RAB11FIP5: variants seen among roughly 807,000 people sequenced by gnomAD.
The protein encoded by RAB11FIP5 is RAB11 family interacting protein 5, also known as rab11 family-interacting protein 5.
Under a neutral mutation model 85.1 loss-of-function variants are expected in RAB11FIP5, and 48 were observed. The ratio of observed to expected loss-of-function variants is 0.56; its 90% CI spans 0.45 to 0.72. The LOEUF (loss-of-function observed/expected upper bound fraction) is 0.72. Ranked by LOEUF, RAB11FIP5 falls within the 30% of genes least tolerant of loss-of-function variation. RAB11FIP5 has a pLI of 0.00. For synonymous variants in RAB11FIP5, 729 were observed against 727.3 expected, an observed-to-expected ratio of 1.00 and a Z score of -0.04; for missense variants, 1,491 against 1,687.0, an observed-to-expected ratio of 0.88 and a Z score of 2.04.
intron 1 of RAB11FIP5, among the ~76,000 whole-genome samples, chr2:73,110,466 T>G (rs754661698): frequency 9.0e-5 from 13 of 143,960 alleles, no homozygotes; most frequent in Non-Finnish European, 1.8e-4. Flanking sequence ...TAAGTGACCC[T>G]CCCCACTCCT....
At chr2:73,111,671 G>T (rs1684658494) in intron 1 of RAB11FIP5, among the ~76,000 whole-genome samples, 1 of 152,216 alleles carries the variant, frequency 6.6e-6, no homozygotes, top group Admixed American at 6.5e-5. Context: ...GGCAGGGCAG[G>T]CAGGCAGGCC....
In RAB11FIP5 at chr2:73,088,988, GC is replaced by G; in HGVS notation, c.758del (p.Gly253AlafsTer154). 6.2e-7 allele frequency: 1 copy of G among 1,614,222 alleles called. No homozygotes were observed. Among genetic ancestry groups the G allele is most frequent in the Non-Finnish European group, 8.5e-7 (1 of 1,180,038 alleles). On this transcript the variant is annotated frameshift_variant, in exon 2 of 6. Transcript: ENST00000486777. LOFTEE classifies it high-confidence loss of function. ...TGGCTGAGGACAGGGTGCTGTCCGAGCCCAGCGAGGTGTTGGACTGGGTCAG... is the reference window on the plus strand; with the variant it reads ...TGGCTGAGGACAGGGTGCTGTCCGAGCCAGCGAGGTGTTGGACTGGGTCAG... ...SSLTQSNTSL[G>X]SDSTLSSASG...
rs1398907272 is a variant in RAB11FIP5, at chr2:73,080,795, C to T, written c.2437G>A (p.Asp813Asn). ...GPESAAEGQDDESSRGENQLC... is the reference protein window; with the variant it reads ...GPESAAEGQDNESSRGENQLC... ...TGATTTTCGCCTCGGGAGGACTCATCGTCCTGGCCCTCAGCAGCGCTCTCT... is the reference window on the plus strand; with the variant it reads ...TGATTTTCGCCTCGGGAGGACTCATTGTCCTGGCCCTCAGCAGCGCTCTCT... Residue 813 changes from aspartate to asparagine, a missense_variant, in exon 4 of 6, where the codon GAT (aspartate) becomes AAT (asparagine). Coordinates refer to ENST00000486777, the MANE Select transcript of RAB11FIP5 (RefSeq NM_001371272.1). 4 of 1,232,422 alleles carry T rather than the reference C, an allele frequency of 3.2e-6. No individual in the cohort carries two copies. The highest frequency in any genetic ancestry group is 4.0e-6 in the Non-Finnish European group (4 of 988,118). The allele number at this position is 1,232,422 out of a possible 1,614,324, so 76.3% of individuals were successfully genotyped here.
At chr2:73,098,344 A>G (rs1321884537) in intron 1 of RAB11FIP5, among the ~76,000 whole-genome samples, 1 of 152,252 alleles carries the variant, frequency 6.6e-6, no homozygotes, top group Non-Finnish European at 1.5e-5. Flanking sequence ...AACTGGCCAG[A>G]TAATACAAAT....
chr2:73,098,252 C>T (rs1684361233), intron 1 of RAB11FIP5, among the ~76,000 whole-genome samples: 1 of 152,212 alleles, frequency 6.6e-6, no homozygotes, highest in Non-Finnish European at 1.5e-5. Context: ...ATCTGAAATG[C>T]TCCAAAACTT....
chr2:73,090,073 C>G (rs1476257832), intron 1 of RAB11FIP5, among the ~76,000 whole-genome samples: 1 of 152,158 alleles, frequency 6.6e-6, no homozygotes, highest in Admixed American at 6.5e-5. Flanking sequence ...GGGTTCTTAC[C>G]TCACTCCCGC....
chr2:73,109,769 C>G (rs745915573), intron 1 of RAB11FIP5, among the ~76,000 whole-genome samples: 3 of 152,148 alleles, frequency 2.0e-5, no homozygotes, highest in Non-Finnish European at 4.4e-5. Flanking sequence ...CTGTGTACTC[C>G]GTCACCCATG....
In RAB11FIP5 at chr2:73,081,144, G is replaced by A. The variant is rs901861386; in HGVS notation, c.2088C>T (p.Pro696=). Residue 696 remains proline (P), a synonymous_variant, in exon 4 of 6, where the codon CCC becomes CCT. Coordinates refer to ENST00000486777, the MANE Select transcript of RAB11FIP5 (RefSeq NM_001371272.1). This position sits in a 1 kb window ranked among gnomAD's most constrained non-coding sequence, Gnocchi z 4.2. ...CTCCTCCTCCCCCAGGCTCTCCCTGGGGCTCAGCTGCCTTCGCAGTCATGG... is the reference window on the plus strand; with the variant it reads ...CTCCTCCTCCCCCAGGCTCTCCCTGAGGCTCAGCTGCCTTCGCAGTCATGG... ...PGAMTAKAAE[P]QGEPGGGGGG... is the part of the protein sequence containing the mutation. The A allele has an allele frequency of 1.1e-5, 13 of 1,232,836 alleles. No individual in the cohort carries two copies. The highest frequency in any genetic ancestry group is 3.1e-4 in the Middle Eastern group (1 of 3,270). The allele number at this position is 1,232,836 out of a possible 1,614,324, so 76.4% of individuals were successfully genotyped here.
At chr2:73,109,417 G>A (rs1684599036) in intron 1 of RAB11FIP5, among the ~76,000 whole-genome samples, 1 of 152,194 alleles carries the variant, frequency 6.6e-6, no homozygotes, top group South Asian at 2.1e-4. Context: ...TACAGATGGT[G>A]TCTTATCTAA....
At chr2:73,107,330 C>T (rs185070483) in intron 1 of RAB11FIP5, among the ~76,000 whole-genome samples, 6 of 152,240 alleles carry the variant, frequency 3.9e-5, no homozygotes, top group African/African-American at 1.4e-4. Context: ...CTGGACAAGG[C>T]CAGGCCAGTG....
Position 73,081,135 on chromosome 2 carries a change from C to A in RAB11FIP5, c.2097G>T (p.Glu699Asp). The A allele has an allele frequency of 8.1e-7, 1 of 1,233,850 alleles. No homozygotes were observed. The highest frequency in any genetic ancestry group is 4.1e-5 in the South Asian group (1 of 24,364). The allele number at this position is 1,233,850 out of a possible 1,614,324, so 76.4% of individuals were successfully genotyped here. Residue 699 changes from glutamate (E) to aspartate (D), a missense_variant, in exon 4 of 6, where the codon GAG becomes GAT. Coordinates refer to ENST00000486777, the MANE Select transcript of RAB11FIP5 (RefSeq NM_001371272.1). This position sits in a 1 kb window ranked among gnomAD's most constrained non-coding sequence, Gnocchi z 4.2. ...MTAKAAEPQG[E>D]PGGGGGGGGG... is the part of the protein sequence containing the mutation. ...CTCCTCCTCCTCCTCCTCCCCCAGG[C>A]TCTCCCTGGGGCTCAGCTGCCTTCG...
At position 73,088,063 on chromosome 2, in the gene RAB11FIP5, T is replaced by TC. The variant is rs1330610253; in HGVS notation, c.1554dup (p.Thr519AspfsTer15). 6.3e-7 allele frequency: 1 copy of TC among 1,595,810 alleles called. No homozygotes were observed. Among genetic ancestry groups the TC allele is most frequent in the Admixed American group, 1.7e-5 (1 of 58,568 alleles). On this transcript the variant is annotated frameshift_variant, in exon 3 of 6. Coordinates refer to ENST00000486777, the MANE Select transcript of RAB11FIP5 (RefSeq NM_001371272.1). LOFTEE classifies it high-confidence loss of function. ...CCAACGACTTACCTGGGTTTCTGAGTCGGGTCCTTGGCTTCTCTCAAGCCA... is the reference window on the plus strand; with the variant it reads ...CCAACGACTTACCTGGGTTTCTGAGTCCGGGTCCTTGGCTTCTCTCAAGCCA...
chr2:73,095,524 C>T (rs1684302326), intron 1 of RAB11FIP5, among the ~76,000 whole-genome samples: 1 of 152,232 alleles, frequency 6.6e-6, no homozygotes, highest in South Asian at 2.1e-4. Flanking sequence ...TAGAGAATGG[C>T]CAGAGCTGAC....
Position 73,080,601 on chromosome 2 carries a change from C to T in RAB11FIP5, c.2631G>A (p.Gly877=). The change falls in exon 4 of 6, where the codon GGG becomes GGA. Residue 877 remains glycine, a synonymous_variant. Transcript: ENST00000486777. ...PETVSPKGSE[G]LPPPEPEPKP... ...TAGGCTCGGGCTCCGGTGGGGGAAG[C>T]CCCTCGCTCCCCTTGGGGCTCACAG... 1.6e-6 allele frequency: 2 copies of T among 1,232,342 alleles called. No individual in the cohort carries two copies. Among genetic ancestry groups the T allele is most frequent in the Non-Finnish European group, 2.0e-6 (2 of 988,042 alleles). 76.3% of individuals were successfully genotyped at this position (1,232,342 alleles called of 1,614,324 possible). A position where few individuals can be genotyped will look rare whatever the true frequency, so the allele number is the denominator to read the frequency against.
intron 1 of RAB11FIP5, among the ~76,000 whole-genome samples, chr2:73,108,562 C>T (rs1037780229): frequency 4.6e-5 from 7 of 152,216 alleles, no homozygotes; most frequent in African/African-American, 1.7e-4. Flanking sequence ...TGCTTCCTTC[C>T]TTCCCTCTTC....
At chr2:73,087,786 C>G (rs1294143241) in intron 3 of RAB11FIP5, among the ~76,000 whole-genome samples, 2 of 152,178 alleles carry the variant, frequency 1.3e-5, no homozygotes, top group African/African-American at 4.8e-5. Flanking sequence ...GGCATGCCAA[C>G]TCATGCAGCA....
In RAB11FIP5 at chr2:73,080,738, C is replaced by T. The variant is rs954672375; in HGVS notation, c.2494G>A (p.Ala832Thr). ...LCPDVETADD[A>T]WPWDVVTISP... ...ATGGTGACCACATCCCAAGGCCAGG[C>T]ATCATCAGCTGTCTCGACGTCAGGG... The change falls in exon 4 of 6, where the codon GCC becomes ACC. Residue 832 changes from alanine (A) to threonine (T), a missense_variant. This residue lies in a region of RAB11FIP5 where 1,211 missense variants were observed against 1,338.0 expected (regional missense o/e 0.91). Transcript: ENST00000486777. 2.7e-5 allele frequency: 33 copies of T among 1,232,488 alleles called. No individual in the cohort carries two copies. The Admixed American group carries it at 4.2e-4, about 16-fold the overall frequency. The allele number at this position is 1,232,488 out of a possible 1,614,324, so 76.3% of individuals were successfully genotyped here.
At chr2:73,110,182 G>T (rs1164204598) in intron 1 of RAB11FIP5, among the ~76,000 whole-genome samples, 1 of 152,204 alleles carries the variant, frequency 6.6e-6, no homozygotes, top group Admixed American at 6.5e-5. Context: ...TGGAGTTAAA[G>T]AATGGATACT....
Position 73,112,676 on chromosome 2 carries a change from C to G in RAB11FIP5, c.102G>C (p.Lys34Asn). The change falls in exon 1 of 6, where the codon AAG (lysine) becomes AAC (asparagine). Residue 34 changes from lysine to asparagine, a missense_variant. Around this residue, in one of 3 missense-constraint regions of RAB11FIP5, gnomAD observed 1,211 missense variants for 1,338.0 expected, o/e 0.91. Transcript: ENST00000486777. The part of the protein sequence containing the change: ...TVLRARGLRG[K>N]SSGAGSTSDA... ...CGCTGGTGCTGCCCGCTCCCGAGCT[C>G]TTGCCCCGCAGCCCGCGGGCCCGCA... The G allele has an allele frequency of 6.3e-7, 1 of 1,591,242 alleles. No individual in the cohort carries two copies. The highest frequency in any genetic ancestry group is 2.3e-5 in the East Asian group (1 of 43,144).
Sources: gnomAD v4.1 joint callset for allele counts (sites outside exome capture counted in the v4.1 genomes callset) on GRCh38, gnomAD v4.1.1 for gene constraint, gnomAD v4.1.1 regional missense constraint, Gnocchi (gnomAD v3.1) non-coding constraint, MANE v1.5 for transcripts, NCBI Gene and HGNC (gene_info 2026-07-23, HGNC 2026-07-21) for gene names.